Variants in CEP85 observed in about 807,000 individuals in gnomAD.
The protein encoded by CEP85 is centrosomal protein 85, also known as centrosomal protein of 85 kDa.
A neutral mutation model predicts 93.7 loss-of-function variants in CEP85; 58 were observed. The observed-to-expected ratio is 0.62, with a 90% confidence interval of 0.50 to 0.77. CEP85 has a LOEUF of 0.77. Ranked by LOEUF, CEP85 falls within the 30% of genes least tolerant of loss-of-function variation. The pLI is 0.00. For synonymous variants in CEP85, 314 were observed against 338.6 expected (o/e 0.93, Z 0.80); for missense variants, 868 against 922.0 (o/e 0.94, Z 0.76).
intron 7 of CEP85, among the ~76,000 whole-genome samples, chr1:26,265,748 T>G (rs1189821249): frequency 6.6e-6 from 1 of 152,194 alleles, no homozygotes; most frequent in Non-Finnish European, 1.5e-5. Context: ...CCCAAGTCAT[T>G]TATCTCCCCT....
chr1:26,271,863 T>G (rs374984841), intron 10 of CEP85, 158 bp from the exon 11 acceptor site: 21 of 647,814 alleles, frequency 3.2e-5, no homozygotes, highest in African/African-American at 2.7e-4. Context: ...ATTAGGAGTC[T>G]GGTTTATATT....
chr1:26,273,438 G>C (rs548554319), intron 11 of CEP85, among the ~76,000 whole-genome samples: 1 of 152,250 alleles, frequency 6.6e-6, no homozygotes, highest in East Asian at 1.9e-4. Flanking sequence ...GTCAAGCCTG[G>C]CAAGCATTTT....
At chr1:26,253,075 A>G (rs534976350) in intron 3 of CEP85, among the ~76,000 whole-genome samples, 1 of 152,234 alleles carries the variant, frequency 6.6e-6, no homozygotes, top group South Asian at 2.1e-4. Context: ...CACAATTGAC[A>G]TCTTTTATAA....
intron 1 of CEP85, among the ~76,000 whole-genome samples, chr1:26,238,346 G>A (rs1335404855): frequency 6.6e-6 from 1 of 151,354 alleles, no homozygotes; most frequent in Non-Finnish European, 1.5e-5. Context: ...GATTACAGGC[G>A]CCTGCCACCA....
chr1:26,263,743 A>G (rs1182000353), intron 7 of CEP85, among the ~76,000 whole-genome samples: 4 of 152,042 alleles, frequency 2.6e-5, no homozygotes, highest in Admixed American at 2.0e-4. Flanking sequence ...TTGTGTATCT[A>G]TCTTGAGCTC....
At chr1:26,269,782 C>CTTTTTTTTTTTTT (rs748230113) in intron 9 of CEP85, among the ~76,000 whole-genome samples, 168 bp downstream of exon 9, 1 of 84,724 alleles carries the variant, frequency 1.2e-5, no homozygotes, top group Non-Finnish European at 2.2e-5. Flanking sequence ...TGGGAAGCGG[C>CTTTTTTTTTTTTT]TTTTTTTTTT....
chr1:26,234,201 T>C lies in CEP85; in HGVS notation c.-132T>C, dbSNP rs961307336. On this transcript the variant is annotated 5_prime_UTR_variant, in exon 1 of 14. Coordinates refer to ENST00000451429, the MANE Select transcript of CEP85 (RefSeq NM_001319944.2). ...TCTGTGGCGCGCGGCCTGGCGGGCG[T>C]GCAACGGCCGTTAGAGGAGCTGAGG... 3 of 152,278 alleles carry C rather than the reference T, an allele frequency of 2.0e-5. No homozygotes were observed. In the East Asian group the frequency reaches 5.8e-4, roughly 29 times the overall value. The allele number at this position is 152,278 out of a possible 1,614,324, so 9.4% of individuals were successfully genotyped here.
Position 26,276,519 on chromosome 1 carries a change from C to A in CEP85, c.1903-16C>A. ...CCTGGGCCTGAGTTAATGTGCTTAC[C>A]CATCTGTCTGCTCAGCTTTCAGTGC... On this transcript the variant is annotated splice_polypyrimidine_tract_variant and intron_variant, in intron 12 of 13. Transcript: ENST00000451429. The A allele has an allele frequency of 6.2e-7, 1 of 1,601,296 alleles. No homozygotes were observed.
chr1:26,250,237 GAGGTGAGC>G (rs1010033679), intron 3 of CEP85, among the ~76,000 whole-genome samples: 3 of 152,208 alleles, frequency 2.0e-5, no homozygotes, highest in African/African-American at 7.2e-5. Context: ...CACACAGCTG[GAGGTGAGC>G]AGCAGGCGAG....
chr1:26,257,811 C>A, intron 5 of CEP85, 81 bp downstream of exon 5: 1 of 1,470,188 alleles, frequency 6.8e-7, no homozygotes, highest in Non-Finnish European at 9.4e-7. Context: ...TTCCCAAGGG[C>A]AAAGCATTCC....
Position 26,255,612 on chromosome 1 carries a change from A to T in CEP85, c.650A>T (p.Glu217Val), listed in dbSNP as rs746363032. Residue 217 changes from glutamate (E) to valine (V), a missense_variant, in exon 4 of 14, where the codon GAG (glutamate) becomes GTG (valine). Physicochemically the swap from Glu to Val is moderately radical, Grantham distance 121. Coordinates refer to ENST00000451429, the MANE Select transcript of CEP85 (RefSeq NM_001319944.2). ...AACCCAAGAACCAGCACAAGTAAGG[A>T]GTTGTACAGAGTGTTGCCTGAGGCC... Reference protein sequence around the residue: ...FHNPRTSTSKELYRVLPEAKK... With the variant: ...FHNPRTSTSKVLYRVLPEAKK... 45 of 1,613,844 alleles carry T rather than the reference A, an allele frequency of 2.8e-5. No homozygotes were observed. Among genetic ancestry groups the T allele is most frequent in the Non-Finnish European group, 3.6e-5 (42 of 1,179,990 alleles).
Position 26,244,209 on chromosome 1 carries a change from G to C in CEP85, c.99G>C (p.Trp33Cys). The C allele has an allele frequency of 6.2e-7, 1 of 1,613,314 alleles. No homozygotes were observed. The highest frequency in any genetic ancestry group is 8.5e-7 in the Non-Finnish European group (1 of 1,179,680). The part of the protein sequence containing the change: ...IQKGSSLGTE[W>C]QTPVISEPFR... ...AGGGCAGTTCCCTGGGGACTGAATG[G>C]CAGACCCCAGTTATCTCGGAGCCCT... is the stretch of plus-strand genomic sequence containing the variant. The change falls in exon 3 of 14, where the codon TGG becomes TGC. Residue 33 changes from tryptophan to cysteine, a missense_variant. Coordinates refer to ENST00000451429, the MANE Select transcript of CEP85 (RefSeq NM_001319944.2).
At chr1:26,247,600 A>T (rs1028356879) in intron 3 of CEP85, among the ~76,000 whole-genome samples, 21 of 151,890 alleles carry the variant, frequency 1.4e-4, no homozygotes, top group African/African-American at 5.1e-4. Context: ...GACCACATCT[A>T]CTATTACTGG....
chr1:26,273,901 AAAATAAAT>A (rs1553161625), intron 11 of CEP85, among the ~76,000 whole-genome samples: 2 of 141,488 alleles, frequency 1.4e-5, no homozygotes, highest in South Asian at 2.2e-4. Flanking sequence ...ACCCCATCTC[AAAATAAAT>A]AAATAAATAA....
At chr1:26,259,478 T>G (rs930501807) in intron 6 of CEP85, 139 bp from the exon 7 acceptor site, 5 of 777,986 alleles carry the variant, frequency 6.4e-6, no homozygotes, top group African/African-American at 1.7e-5. Flanking sequence ...CTGTTAACCC[T>G]AAGACCTAGT....
chr1:26,268,753 A>C, intron 8 of CEP85, 118 bp downstream of exon 8: 1 of 1,032,840 alleles, frequency 9.7e-7, no homozygotes, highest in South Asian at 1.9e-5. Flanking sequence ...ATCCCAAAGC[A>C]GTCATGTCCA....
At chr1:26,266,595 C>T (rs1176541371) in intron 7 of CEP85, among the ~76,000 whole-genome samples, 4 of 152,198 alleles carry the variant, frequency 2.6e-5, no homozygotes. Flanking sequence ...TTTAAGAGTA[C>T]AGATTGGACC....
chr1:26,275,898 G>A (rs1470835633), intron 12 of CEP85, among the ~76,000 whole-genome samples: 1 of 152,214 alleles, frequency 6.6e-6, no homozygotes, highest in African/African-American at 2.4e-5. Flanking sequence ...GGAAGAGAGG[G>A]AAACAGACAG....
chr1:26,269,422 T>A (rs1392317707), intron 8 of CEP85, 38 bp from the exon 9 acceptor site: 1 of 1,603,558 alleles, frequency 6.2e-7, no homozygotes, highest in East Asian at 2.2e-5. Flanking sequence ...TTATAACACT[T>A]GGCTTATTTG....
Sources: allele counts gnomAD v4.1 joint callset (sites outside exome capture counted in the v4.1 genomes callset), GRCh38; gene constraint gnomAD v4.1.1; transcripts MANE v1.5; gene names NCBI Gene and HGNC (gene_info 2026-07-23, HGNC 2026-07-21).